UBXN7: variants seen among roughly 807,000 people sequenced by gnomAD.
UBXN7 encodes UBX domain-containing protein 7.
In UBXN7, 9 loss-of-function variants were observed where a neutral mutation model predicts 58.0. That is an observed-to-expected ratio of 0.16 (90% CI 0.09 to 0.27). UBXN7 has a LOEUF of 0.27. Ranked by LOEUF, UBXN7 falls within the 10% of genes least tolerant of loss-of-function variation. The pLI, the probability that UBXN7 is intolerant of heterozygous loss-of-function variation, is 1.00. For missense variants in UBXN7, 328 were observed against 599.6 expected (o/e 0.55, Z 4.73); for synonymous variants, 208 against 205.0 (o/e 1.01, Z -0.12).
intron 5 of UBXN7, among the ~76,000 whole-genome samples, chr3:196,382,585 G>A (rs1345136630): frequency 1.3e-5 from 2 of 152,082 alleles, no homozygotes; most frequent in Non-Finnish European, 2.9e-5. Context: ...ATCAACTAAT[G>A]GGCAAAATAA....
chr3:196,371,869 A>G lies in UBXN7; in HGVS notation c.615+27T>C, dbSNP rs1466495000. ...CACACTACAAAAGTAAAATTCTACA[A>G]AACTTCTGATTAACTCTCCTTCTCA... On this transcript the variant is annotated intron_variant, in intron 6 of 10. Transcript: ENST00000296328. 4.4e-6 allele frequency: 7 copies of G among 1,599,334 alleles called. No homozygotes were observed. The East Asian group carries it at 1.3e-4, about 31-fold the overall frequency.
At chr3:196,370,880 T>C (rs1176677203) in intron 6 of UBXN7, among the ~76,000 whole-genome samples, 1 of 141,254 alleles carries the variant, frequency 7.1e-6, no homozygotes, top group Non-Finnish European at 1.5e-5. Flanking sequence ...AAAAAAAAAA[T>C]TATATGGGCA....
In UBXN7 at chr3:196,350,966, C is replaced by T. The variant is rs1311179780; in HGVS notation, c.*5719G>A. 2 of 152,196 alleles carry T rather than the reference C, an allele frequency of 1.3e-5. No homozygotes were observed. Among genetic ancestry groups the T allele is most frequent in the African/African-American group, 4.8e-5 (2 of 41,456 alleles). 9.4% of individuals were successfully genotyped at this position (152,196 alleles called of 1,614,324 possible). A position where few individuals can be genotyped will look rare whatever the true frequency, so the allele number is the denominator to read the frequency against. ...CAAGGCTGGTATTACCGGAAAACTG[C>T]CATGTTCACCAGAAGAGCTGTCTCT... On this transcript the variant is annotated 3_prime_UTR_variant, in exon 11 of 11. Coordinates refer to ENST00000296328, the MANE Select transcript of UBXN7 (RefSeq NM_015562.2).
rs550808572 is a variant in UBXN7, at chr3:196,352,113, T to C, written c.*4572A>G. ...GCTACAGTGCTTGCCACTTCAGTCT[T>C]GTTTAAGACTTTGCTAACTAAAACA... On this transcript the variant is annotated 3_prime_UTR_variant, in exon 11 of 11. Coordinates refer to ENST00000296328, the MANE Select transcript of UBXN7 (RefSeq NM_015562.2). This position sits in a 1 kb window ranked among gnomAD's most constrained non-coding sequence, Gnocchi z 4.1. 1 of 152,354 alleles carries C rather than the reference T, an allele frequency of 6.6e-6. No homozygotes were observed. Among genetic ancestry groups the C allele is most frequent in the South Asian group, 2.1e-4 (1 of 4,830 alleles). The allele number at this position is 152,354 out of a possible 1,614,324, so 9.4% of individuals were successfully genotyped here.
At chr3:196,363,625 T>C (rs958473816) in intron 8 of UBXN7, among the ~76,000 whole-genome samples, 1 of 151,964 alleles carries the variant, frequency 6.6e-6, no homozygotes, top group Admixed American at 6.6e-5. Flanking sequence ...GCTACTCCAG[T>C]GAACACACAA....
intron 8 of UBXN7, 56 bp downstream of exon 8, chr3:196,367,972 G>T: frequency 6.3e-7 from 1 of 1,578,228 alleles, no homozygotes; most frequent in Non-Finnish European, 8.6e-7. Flanking sequence ...TTTTATATAA[G>T]ATGCTTATGA....
intron 5 of UBXN7, 69 bp from the exon 6 acceptor site, chr3:196,372,111 T>G: frequency 6.7e-7 from 1 of 1,497,768 alleles, no homozygotes; most frequent in Non-Finnish European, 8.9e-7. Context: ...CCGTAGTTGT[T>G]CAGAGGTTGT....
chr3:196,365,893 A>T (rs1728650863), intron 8 of UBXN7, among the ~76,000 whole-genome samples: 1 of 152,214 alleles, frequency 6.6e-6, no homozygotes, highest in South Asian at 2.1e-4. Context: ...ATGTCATCAA[A>T]CATTAAGGAA....
chr3:196,391,687 T>G (rs1034953549), intron 5 of UBXN7, 126 bp downstream of exon 5: 15 of 623,672 alleles, frequency 2.4e-5, no homozygotes, highest in South Asian at 1.6e-4. Flanking sequence ...TGAGCTATGA[T>G]TGTGTCACTG....
rs540067474 is a variant in UBXN7 at position 196,361,755 on chromosome 3, A to G, written c.1308+89T>C. The G allele has an allele frequency of 3.4e-4, 383 of 1,111,158 alleles. No individual in the cohort carries two copies. The African/African-American group carries it at 5.1e-3, about 15-fold the overall frequency. 68.8% of individuals were successfully genotyped at this position (1,111,158 alleles called of 1,614,324 possible). ...TAATAGACTATGGAATAATGTAAAC[A>G]TAACTTTTATATGCACCAGGAAACC... is the stretch of plus-strand genomic sequence containing the variant. On this transcript the variant is annotated intron_variant, in intron 10 of 10. Coordinates refer to ENST00000296328, the MANE Select transcript of UBXN7 (RefSeq NM_015562.2).
At position 196,356,527 on chromosome 3, in the gene UBXN7, G is replaced by C; in HGVS notation, c.*158C>G. On this transcript the variant is annotated 3_prime_UTR_variant, in exon 11 of 11. Transcript: ENST00000296328. ...AGAAAGAAACAAAGGGGGAGAAAGAGACTGATTATAGGAGAGATCAAGAAA... is the reference window on the plus strand; with the variant it reads ...AGAAAGAAACAAAGGGGGAGAAAGACACTGATTATAGGAGAGATCAAGAAA... 6.9e-6 allele frequency: 5 copies of C among 724,688 alleles called. No homozygotes were observed. Among genetic ancestry groups the C allele is most frequent in the Non-Finnish European group, 1.1e-5 (5 of 463,008 alleles). The allele number at this position is 724,688 out of a possible 1,614,324, so 44.9% of individuals were successfully genotyped here. A position where few individuals can be genotyped will look rare whatever the true frequency, so the allele number is the denominator to read the frequency against.
chr3:196,407,366 A>G lies in UBXN7; in HGVS notation c.101T>C (p.Met34Thr), dbSNP rs1730193091. ...CAGATTATTGTTGCACGCTTCAAGCATATGTTTTCCTACACTTTCACTTGC... is the reference window on the plus strand; with the variant it reads ...CAGATTATTGTTGCACGCTTCAAGCGTATGTTTTCCTACACTTTCACTTGC... Reference protein sequence around the residue: ...TGASESVGKHMLEACNNNLEM... With the variant: ...TGASESVGKHTLEACNNNLEM... The change falls in exon 2 of 11, where the codon ATG (methionine) becomes ACG (threonine). Residue 34 changes from methionine to threonine, a missense_variant. This residue lies in a region of UBXN7 where 106 missense variants were observed against 124.3 expected (regional missense o/e 0.85). Transcript: ENST00000296328. 1 of 1,613,424 alleles carries G rather than the reference A, an allele frequency of 6.2e-7. No individual in the cohort carries two copies. The highest frequency in any genetic ancestry group is 8.5e-7 in the Non-Finnish European group (1 of 1,179,826).
intron 10 of UBXN7, among the ~76,000 whole-genome samples, chr3:196,357,591 G>GGT (rs1184198698): frequency 6.6e-6 from 1 of 152,100 alleles, no homozygotes; most frequent in Non-Finnish European, 1.5e-5. Flanking sequence ...GGGGCAACAT[G>GGT]GCAAAATCCC....
At chr3:196,374,605 G>A (rs1328709784) in intron 5 of UBXN7, among the ~76,000 whole-genome samples, 1 of 151,434 alleles carries the variant, frequency 6.6e-6, no homozygotes, top group African/African-American at 2.4e-5. Flanking sequence ...AATAGGCCAG[G>A]TGCAGTGGCT....
intron 3 of UBXN7, among the ~76,000 whole-genome samples, chr3:196,398,387 G>T (rs540993109): frequency 2.0e-5 from 3 of 152,288 alleles, no homozygotes; most frequent in Non-Finnish European, 2.9e-5. Context: ...TCATCTCGCA[G>T]TCTGAATGGA....
At chr3:196,426,335 A>G (rs1730847434) in intron 1 of UBXN7, among the ~76,000 whole-genome samples, 1 of 151,336 alleles carries the variant, frequency 6.6e-6, no homozygotes, top group Non-Finnish European at 1.5e-5. Flanking sequence ...GCAATGAGCC[A>G]AGATCACAGC....
intron 5 of UBXN7, among the ~76,000 whole-genome samples, chr3:196,377,947 T>A (rs1041804584): frequency 6.6e-6 from 1 of 152,162 alleles, no homozygotes. Flanking sequence ...AGTGCTGGGA[T>A]TACAGGCATG....
intron 7 of UBXN7, among the ~76,000 whole-genome samples, chr3:196,368,760 C>G (rs1728738075): frequency 6.6e-6 from 1 of 152,190 alleles, no homozygotes; most frequent in African/African-American, 2.4e-5. Context: ...CCCTCTGCTT[C>G]TCAGGTGGGA....
In UBXN7 at chr3:196,354,884, C is replaced by T. The variant is rs1728303352; in HGVS notation, c.*1801G>A. On this transcript the variant is annotated 3_prime_UTR_variant, in exon 11 of 11. Coordinates refer to ENST00000296328, the MANE Select transcript of UBXN7 (RefSeq NM_015562.2). ...ATATTTATACAATTATATACTTATA[C>T]ATAAGCACTTACACAGACTTAGAAA... 6.6e-6 allele frequency: 1 copy of T among 151,506 alleles called. No individual in the cohort carries two copies. The highest frequency in any genetic ancestry group is 2.1e-4 in the South Asian group (1 of 4,824). 9.4% of individuals were successfully genotyped at this position (151,506 alleles called of 1,614,324 possible).
Sources: allele counts gnomAD v4.1 joint callset (sites outside exome capture counted in the v4.1 genomes callset), GRCh38; gene constraint gnomAD v4.1.1; regional missense constraint gnomAD v4.1.1; non-coding constraint Gnocchi (gnomAD v3.1); transcripts MANE v1.5; gene names NCBI Gene and HGNC (gene_info 2026-07-23, HGNC 2026-07-21).